WARS2: variants seen among roughly 807,000 people sequenced by gnomAD.
WARS2 encodes the protein tryptophanyl tRNA synthetase 2, mitochondrial, also known as tryptophan--tRNA ligase, mitochondrial.
Under a neutral mutation model 36.5 loss-of-function variants are expected in WARS2, and 28 were observed. The ratio of observed to expected loss-of-function variants is 0.77; its 90% confidence interval spans 0.57 to 1.05. The LOEUF is 1.05. Among genes scored for constraint, WARS2 ranks in the 50% least tolerant of loss-of-function variants. The pLI is 0.00. For synonymous variants in WARS2, 174 were observed against 178.4 expected (o/e 0.98, Z 0.20); for missense variants, 435 against 456.8 (o/e 0.95, Z 0.44).
At chr1:119,117,426 C>T (rs1461862274) in intron 1 of WARS2, among the ~76,000 whole-genome samples, 1 of 152,172 alleles carries the variant, frequency 6.6e-6, no homozygotes, top group Non-Finnish European at 1.5e-5. Flanking sequence ...AGTACTCATC[C>T]TGGCCAATGT....
At chr1:119,120,438 G>A (rs1036883713) in intron 1 of WARS2, among the ~76,000 whole-genome samples, 3 of 151,798 alleles carry the variant, frequency 2.0e-5, no homozygotes, top group African/African-American at 4.8e-5. Context: ...AAAGGTGCAG[G>A]ACCAGATGGA....
chr1:119,111,821 G>A (rs1654656835), intron 1 of WARS2, among the ~76,000 whole-genome samples: 1 of 152,056 alleles, frequency 6.6e-6, no homozygotes, highest in Admixed American at 6.6e-5. Context: ...GTGGTTCTCT[G>A]TATCCAAATA....
intron 1 of WARS2, among the ~76,000 whole-genome samples, chr1:119,139,302 T>C (rs1237768613): frequency 6.6e-6 from 1 of 152,220 alleles, no homozygotes; most frequent in Non-Finnish European, 1.5e-5. Flanking sequence ...TATTAGCTTA[T>C]AAGAATTTTG....
At chr1:119,035,707 A>T (rs1647820562) in intron 4 of WARS2, among the ~76,000 whole-genome samples, 1 of 152,228 alleles carries the variant, frequency 6.6e-6, no homozygotes, top group African/African-American at 2.4e-5. Flanking sequence ...AGACCTGGGC[A>T]GTGATCCTGA....
At chr1:119,095,711 G>C (rs1257932619) in intron 1 of WARS2, among the ~76,000 whole-genome samples, 1 of 152,188 alleles carries the variant, frequency 6.6e-6, no homozygotes, top group African/African-American at 2.4e-5. Flanking sequence ...GATTACAGGA[G>C]CAAGCCACTG....
rs587722316 is a variant in WARS2, at chr1:119,100,439, G to T, written c.91-23832C>A. Among the ~76,000 whole-genome samples, 37 of 152,154 alleles carry T rather than the reference G, an allele frequency of 2.4e-4. 1 individual carries two copies. In the South Asian group the frequency reaches 5.6e-3, roughly 23 times the overall value. ...ATTTGATCCAGCAATCCCACTAGTGGGTATCTGCCCAAAGAAAAAGAAATC... is the reference window on the plus strand; with the variant it reads ...ATTTGATCCAGCAATCCCACTAGTGTGTATCTGCCCAAAGAAAAAGAAATC... On this transcript the variant is annotated intron_variant, in intron 1 of 5. Transcript: ENST00000235521.
At chr1:119,094,698 G>T (rs891346126) in intron 1 of WARS2, among the ~76,000 whole-genome samples, 3 of 151,984 alleles carry the variant, frequency 2.0e-5, no homozygotes, top group Admixed American at 6.5e-5. Context: ...TATGTCAAAA[G>T]CAGCTAAATT....
intron 1 of WARS2, among the ~76,000 whole-genome samples, chr1:119,123,864 C>T (rs587662645): frequency 3.9e-5 from 6 of 152,146 alleles, no homozygotes; most frequent in African/African-American, 1.2e-4. Context: ...TATCTCAAGG[C>T]TTTCAGCACA....
chr1:119,037,943 C>T (rs907977222), intron 4 of WARS2, among the ~76,000 whole-genome samples: 1 of 152,238 alleles, frequency 6.6e-6, no homozygotes, highest in Non-Finnish European at 1.5e-5. Context: ...ATATTCTTCT[C>T]TTCCTAAAAC....
intron 1 of WARS2, among the ~76,000 whole-genome samples, chr1:119,110,082 A>C (rs186087101): frequency 1.3e-5 from 2 of 152,036 alleles, no homozygotes; most frequent in Admixed American, 1.3e-4. Flanking sequence ...CTTATATATA[A>C]GCATAAATAA....
intron 2 of WARS2, among the ~76,000 whole-genome samples, chr1:119,071,244 G>C (rs1320484292): frequency 6.6e-6 from 1 of 152,186 alleles, no homozygotes; most frequent in Non-Finnish European, 1.5e-5. Context: ...CTGTTGGTGA[G>C]AAAGTAAGTT....
chr1:119,095,082 CAGTAT>C (rs1422190546), intron 1 of WARS2, among the ~76,000 whole-genome samples: 1 of 151,936 alleles, frequency 6.6e-6, no homozygotes, highest in Admixed American at 6.6e-5. Context: ...TCCAAATATA[CAGTAT>C]AGGGAAGGTG....
chr1:119,062,366 C>G (rs1371495244), intron 2 of WARS2, among the ~76,000 whole-genome samples: 1 of 152,014 alleles, frequency 6.6e-6, no homozygotes, highest in Non-Finnish European at 1.5e-5. Context: ...ACAAAGATAG[C>G]ATGGTGGCCA....
chr1:119,071,703 C>G (rs78275481), intron 2 of WARS2, among the ~76,000 whole-genome samples: 2 of 151,846 alleles, frequency 1.3e-5, no homozygotes, highest in Admixed American at 1.3e-4. Context: ...TCAAAGGACA[C>G]AAAAAAAGTT....
At chr1:119,043,388 T>C (rs542049275) in intron 3 of WARS2, among the ~76,000 whole-genome samples, 9 of 152,332 alleles carry the variant, frequency 5.9e-5, no homozygotes, top group Non-Finnish European at 1.3e-4. Context: ...GCTTACAAAC[T>C]TGGGATACCC....
intron 2 of WARS2, among the ~76,000 whole-genome samples, chr1:119,047,756 C>A (rs1375073962): frequency 1.3e-5 from 2 of 152,106 alleles, no homozygotes; most frequent in African/African-American, 4.8e-5. Flanking sequence ...AATATTTTAT[C>A]ATTTATGCTG....
At chr1:119,126,072 A>G in intron 1 of WARS2, among the ~76,000 whole-genome samples, 1 of 151,952 alleles carries the variant, frequency 6.6e-6, no homozygotes. Context: ...TTTTTTGCTG[A>G]TACAGCACTC....
At chr1:119,096,514 TAA>T (rs1477410591) in intron 1 of WARS2, among the ~76,000 whole-genome samples, 2 of 152,164 alleles carry the variant, frequency 1.3e-5, no homozygotes, top group East Asian at 3.8e-4. Flanking sequence ...AAATATGCTT[TAA>T]GTCAATAAAT....
intron 2 of WARS2, among the ~76,000 whole-genome samples, chr1:119,057,470 G>A (rs1438435282): frequency 6.6e-6 from 1 of 151,750 alleles, no homozygotes; most frequent in African/African-American, 2.4e-5. Context: ...TTTGTGAAAT[G>A]TCTACTCAAA....
Sources: gnomAD v4.1 joint callset for allele counts (sites outside exome capture counted in the v4.1 genomes callset) on GRCh38, gnomAD v4.1.1 for gene constraint, MANE v1.5 for transcripts, NCBI Gene and HGNC (gene_info 2026-07-23, HGNC 2026-07-21) for gene names.